The following NLRP14 variants were observed in gnomAD, a reference collection of about 807,000 sequenced individuals.
The protein encoded by NLRP14 is NACHT, LRR and PYD domains-containing protein 14.
NLRP14 carries 105 observed loss-of-function variants against 94.7 expected under a neutral mutation model. The ratio of observed to expected loss-of-function variants is 1.11; its 90% CI spans 0.95 to 1.30. The LOEUF (loss-of-function observed/expected upper bound fraction) is 1.30. Among genes scored for constraint, NLRP14 ranks in the 50% most tolerant of loss-of-function variants. NLRP14 has a pLI of 0.00. For synonymous variants in NLRP14, 508 were observed against 459.9 expected (o/e 1.10, Z -1.34); for missense variants, 1,362 against 1,254.1 (o/e 1.09, Z -1.30).
rs768827026 is a variant in NLRP14, at chr11:7,043,629, C to G, written c.1603C>G (p.Leu535Val). ...ACAGATGAAGTGCTTTTTGTTTGGC[C>G]TTTTGAATGAAGATCGAGTAAAACA... ...LTQMKCFLFG[L>V]LNEDRVKQLE... Residue 535 changes from leucine to valine, a missense_variant, in exon 4 of 12, where the codon CTT (leucine) becomes GTT (valine). Physicochemically the swap from Leu to Val is conservative, Grantham distance 32 (BLOSUM62 1). Transcript: ENST00000299481. 2 of 1,614,060 alleles carry G rather than the reference C, an allele frequency of 1.2e-6. No individual in the cohort carries two copies. Among genetic ancestry groups the G allele is most frequent in the Non-Finnish European group, 1.7e-6 (2 of 1,179,998 alleles).
chr11:7,058,375 A>G lies in NLRP14; in HGVS notation c.2558A>G (p.Asn853Ser), dbSNP rs201892752. The G allele has an allele frequency of 4.0e-5, 64 of 1,612,878 alleles. No individual in the cohort carries two copies. In the East Asian group the frequency reaches 1.4e-3, roughly 35 times the overall value. ...CTGACACATTTGTGCTTGGCAGACA[A>G]TGTCTTGGGTGATGGTGGAGTAAAG... Reference protein sequence around the residue: ...KRLTHLCLADNVLGDGGVKLM... With the variant: ...KRLTHLCLADSVLGDGGVKLM... Residue 853 changes from asparagine (N) to serine (S), a missense_variant, in exon 8 of 12, where the codon AAT becomes AGT. Coordinates refer to ENST00000299481, the MANE Select transcript of NLRP14 (RefSeq NM_176822.4).
chr11:7,025,320 T>C (rs1427843252), intron 1 of NLRP14, among the ~76,000 whole-genome samples: 1 of 152,098 alleles, frequency 6.6e-6, no homozygotes, highest in Non-Finnish European at 1.5e-5. Flanking sequence ...AGCCAAAATA[T>C]CATCTCTCCC....
chr11:7,074,048 G>A (rs1052750270), downstream of NLRP14, among the ~76,000 whole-genome samples: 1 of 152,160 alleles, frequency 6.6e-6, no homozygotes, highest in Non-Finnish European at 1.5e-5. Context: ...CTATCCAGGA[G>A]CCTCCAACTA....
In NLRP14 at chr11:7,062,487, A is replaced by T; in HGVS notation, c.2959A>T (p.Asn987Tyr). Residue 987 changes from asparagine to tyrosine, a missense_variant, in exon 10 of 12, where the codon AAC becomes TAC. Asn to Tyr is a moderately radical substitution (Grantham distance 143). Transcript: ENST00000299481. ...LCDALRYPNC[N>Y]IQRLGLEYCG... ...TGATGCTTTGAGATATCCAAACTGT[A>T]ACATTCAGAGGCTCGGGTGAGTTCA... 1 of 1,613,028 alleles carries T rather than the reference A, an allele frequency of 6.2e-7. No homozygotes were observed. Among genetic ancestry groups the T allele is most frequent in the Non-Finnish European group, 8.5e-7 (1 of 1,179,224 alleles).
At chr11:7,049,525 T>C (rs1189047484) in intron 5 of NLRP14, 146 bp from the exon 6 acceptor site, 3 of 666,270 alleles carry the variant, frequency 4.5e-6, no homozygotes, top group East Asian at 2.7e-5. Flanking sequence ...TAAATAGAAA[T>C]TGAAGTTATA....
the NLRP14 span, among the ~76,000 whole-genome samples, chr11:7,080,132 G>T: frequency 2.0e-5 from 3 of 152,178 alleles, no homozygotes; most frequent in Admixed American, 1.3e-4. Flanking sequence ...AATTTCTTAC[G>T]TATTTAACAA....
At position 7,059,969 on chromosome 11, in the gene NLRP14, G is replaced by A. The variant is rs200194625; in HGVS notation, c.2709G>A (p.Thr903=). ...CTCTTCTACACAACAAGAGCCTGACGCATCTGGATCTAGGATCAAACTGGC... is the reference window on the plus strand; with the variant it reads ...CTCTTCTACACAACAAGAGCCTGACACATCTGGATCTAGGATCAAACTGGC... The part of the protein sequence containing the change: ...STSLLHNKSL[T]HLDLGSNWLQ... Residue 903 remains threonine, a synonymous_variant, in exon 9 of 12, where the codon ACG becomes ACA. Transcript: ENST00000299481. 31 of 1,612,422 alleles carry A rather than the reference G, an allele frequency of 1.9e-5. No individual in the cohort carries two copies. The highest frequency in any genetic ancestry group is 8.9e-5 in the East Asian group (4 of 44,868).
chr11:7,089,127 G>T, the NLRP14 span: 5 of 1,613,768 alleles, frequency 3.1e-6, no homozygotes, highest in Admixed American at 5.0e-5. Context: ...AAACATGGTT[G>T]AAGCGGATCG....
rs202085594 is a variant in NLRP14, at chr11:7,043,303, G to T, written c.1277G>T (p.Arg426Ile). 827 of 1,614,202 alleles carry T rather than the reference G, an allele frequency of 5.1e-4. 6 individuals are homozygous for T. The South Asian group carries it at 8.3e-3, about 16-fold the overall frequency. The change falls in exon 4 of 12, where the codon AGA becomes ATA. Residue 426 changes from arginine (R) to isoleucine (I), a missense_variant. Physicochemically the swap from Arg to Ile is moderately conservative, Grantham distance 97. Coordinates refer to ENST00000299481, the MANE Select transcript of NLRP14 (RefSeq NM_176822.4). ...CTACCCAACCAAGCCCAGCTGAGAA[G>T]ACTGTGCCAAGTCGCTGCCAAAGGA... ...PSLPNQAQLR[R>I]LCQVAAKGIW... is the part of the protein sequence containing the mutation.
Position 7,046,693 on chromosome 11 carries a change from T to C in NLRP14, c.1984T>C (p.Trp662Arg). 1 of 1,613,920 alleles carries C rather than the reference T, an allele frequency of 6.2e-7. No homozygotes were observed. The highest frequency in any genetic ancestry group is 8.5e-7 in the Non-Finnish European group (1 of 1,179,756). Residue 662 changes from tryptophan (W) to arginine (R), a missense_variant, in exon 5 of 12, where the codon TGG becomes CGG. Coordinates refer to ENST00000299481, the MANE Select transcript of NLRP14 (RefSeq NM_176822.4). ...GGATGGTGATCGCATTACTCACTGTTGGCAAGATCTCTGTTCTGTGCTTCA... is the reference window on the plus strand; with the variant it reads ...GGATGGTGATCGCATTACTCACTGTCGGCAAGATCTCTGTTCTGTGCTTCA... Reference protein sequence around the residue: ...TWDGDRITHCWQDLCSVLHTN... With the variant: ...TWDGDRITHCRQDLCSVLHTN...
At chr11:7,037,880 G>T (rs767002570) in intron 1 of NLRP14, among the ~76,000 whole-genome samples, 2 of 152,212 alleles carry the variant, frequency 1.3e-5, no homozygotes, top group Admixed American at 1.3e-4. Flanking sequence ...GACGTGAGAT[G>T]AGGATGTTTT....
chr11:7,046,766 A>G lies in NLRP14; in HGVS notation c.2057A>G (p.Asp686Gly). Residue 686 changes from aspartate to glycine, a missense_variant, in exon 5 of 12, where the codon GAT (aspartate) becomes GGT (glycine). Transcript: ENST00000299481. The part of the protein sequence containing the change: ...RELDLYHSNL[D>G]KSAMNILHHE... ...TTGGACCTGTACCATAGCAACCTTG[A>G]TAAATCAGCAATGAATATCCTGCAT... 6.2e-7 allele frequency: 1 copy of G among 1,613,704 alleles called. No individual in the cohort carries two copies. Among genetic ancestry groups the G allele is most frequent in the South Asian group, 1.1e-5 (1 of 91,078 alleles).
At chr11:7,023,524 A>AATATATCT (rs1554953803) in intron 1 of NLRP14, among the ~76,000 whole-genome samples, 3 of 144,506 alleles carry the variant, frequency 2.1e-5, no homozygotes, top group Non-Finnish European at 4.6e-5. Context: ...TAATATATAA[A>AATATATCT]ATATATTTAT....
At chr11:7,047,343 C>A (rs754072209) in intron 5 of NLRP14, among the ~76,000 whole-genome samples, 4 of 150,052 alleles carry the variant, frequency 2.7e-5, no homozygotes, top group Non-Finnish European at 5.9e-5. Context: ...GAGACAGGGT[C>A]TTACTCTGTT....
In NLRP14 at chr11:7,043,201, C is replaced by G. The variant is rs776733090; in HGVS notation, c.1175C>G (p.Thr392Ser). 1.2e-6 allele frequency: 2 copies of G among 1,614,124 alleles called. No homozygotes were observed. Residue 392 changes from threonine (T) to serine (S), a missense_variant, in exon 4 of 12, where the codon ACC becomes AGC. Physicochemically the swap from Thr to Ser is moderately conservative, Grantham distance 58 (BLOSUM62 1). Transcript: ENST00000299481. ...QMEKGGDVTL[T>S]CQTTTALFTC... ...GAGAAGGGTGGTGATGTCACATTGACCTGCCAAACAACCACAGCTCTGTTT... is the reference window on the plus strand; with the variant it reads ...GAGAAGGGTGGTGATGTCACATTGAGCTGCCAAACAACCACAGCTCTGTTT...
intron 6 of NLRP14, among the ~76,000 whole-genome samples, chr11:7,057,072 A>G (rs923043286): frequency 3.9e-5 from 6 of 152,032 alleles, no homozygotes; most frequent in Non-Finnish European, 7.4e-5. Context: ...CTCATTACAA[A>G]GGGTTAGTAT....
chr11:7,065,532 T>G (rs1056705553), intron 10 of NLRP14, among the ~76,000 whole-genome samples: 8 of 152,118 alleles, frequency 5.3e-5, no homozygotes, highest in Non-Finnish European at 1.2e-4. Flanking sequence ...TCTTATATTC[T>G]TTTTTCATTT....
chr11:7,082,786 C>T, the NLRP14 span, among the ~76,000 whole-genome samples: 5 of 152,314 alleles, frequency 3.3e-5, no homozygotes, highest in East Asian at 3.9e-4. Context: ...ACCTCTCCAT[C>T]AGCCCACTAC....
At chr11:7,073,318 G>T (rs1337904758), downstream of NLRP14, among the ~76,000 whole-genome samples, 1 of 152,104 alleles carries the variant, frequency 6.6e-6, no homozygotes, top group Admixed American at 6.5e-5. Flanking sequence ...CCTTGTCTGT[G>T]GGAGAAAATA....
Sources: gnomAD v4.1 joint callset for allele counts (sites outside exome capture counted in the v4.1 genomes callset) on GRCh38, gnomAD v4.1.1 for gene constraint, MANE v1.5 for transcripts, NCBI Gene and HGNC (gene_info 2026-07-23, HGNC 2026-07-21) for gene names.